RORA: variants seen among roughly 807,000 people sequenced by gnomAD.
RORA encodes the protein nuclear receptor ROR-alpha.
A neutral mutation model predicts 69.5 loss-of-function variants in RORA; 7 were observed. The ratio of observed to expected loss-of-function variants is 0.10; its 90% CI spans 0.06 to 0.19. The LOEUF (loss-of-function observed/expected upper bound fraction) is 0.19. Ranked by LOEUF, RORA falls within the 10% of genes least tolerant of loss-of-function variation. The probability of loss-of-function intolerance (pLI) is 1.00; values close to 1 mark genes in which losing one functional copy is unlikely to be tolerated. For synonymous variants in RORA, 261 were observed against 240.8 expected (o/e 1.08, Z -0.78); for missense variants, 457 against 663.0 (o/e 0.69, Z 3.41).
intron 1 of RORA, among the ~76,000 whole-genome samples, chr15:60,734,048 A>G (rs2071467141): frequency 6.6e-6 from 1 of 152,180 alleles, no homozygotes; most frequent in South Asian, 2.1e-4. Context: ...ACAGAGAGTG[A>G]GATGGAGATG....
intron 1 of RORA, among the ~76,000 whole-genome samples, chr15:60,807,017 A>C (rs1220582901): frequency 6.6e-6 from 1 of 152,180 alleles, no homozygotes; most frequent in Non-Finnish European, 1.5e-5. Context: ...AAGGATGCCC[A>C]CTTTTACCAC....
At chr15:61,038,783 C>T (rs1374144853) in intron 1 of RORA, 4 of 152,220 alleles carry the variant, frequency 2.6e-5, no homozygotes, top group Non-Finnish European at 5.9e-5. Context: ...ACCCAAAAGT[C>T]ATACAGTTTA....
At chr15:61,193,099 G>A (rs28716779) in intron 1 of RORA, among the ~76,000 whole-genome samples, 22,341 of 151,792 alleles carry the variant, frequency 0.15, 2,284 homozygotes, top group African/African-American at 0.27. Context: ...CTCCCAATAG[G>A]AACCATCTAT....
chr15:60,862,941 T>A (rs143554797), intron 1 of RORA, among the ~76,000 whole-genome samples: 4 of 152,336 alleles, frequency 2.6e-5, no homozygotes, highest in Non-Finnish European at 4.4e-5. Flanking sequence ...AGCTTTCATA[T>A]AGGGGCTTTT....
intron 1 of RORA, among the ~76,000 whole-genome samples, chr15:60,857,921 G>T (rs2073397623): frequency 6.6e-6 from 1 of 152,230 alleles, no homozygotes; most frequent in Admixed American, 6.5e-5. Flanking sequence ...GAACTGAAGG[G>T]CTGAGGATGA....
intron 1 of RORA, among the ~76,000 whole-genome samples, chr15:60,803,306 A>C (rs2072613254): frequency 6.6e-6 from 1 of 152,176 alleles, no homozygotes; most frequent in Non-Finnish European, 1.5e-5. Flanking sequence ...GGTCCAGGCA[A>C]GGAAGAACCT....
intron 1 of RORA, among the ~76,000 whole-genome samples, chr15:60,761,354 G>A (rs774049439): frequency 1.3e-5 from 2 of 151,952 alleles, no homozygotes; most frequent in Non-Finnish European, 2.9e-5. Flanking sequence ...CACCCAGAAC[G>A]CAATGAATCA....
intron 1 of RORA, among the ~76,000 whole-genome samples, chr15:61,121,015 T>C (rs1234610738): frequency 6.6e-6 from 1 of 151,654 alleles, no homozygotes; most frequent in East Asian, 2.0e-4. Flanking sequence ...ACCCGGCTAA[T>C]TTTTTTGTAT....
chr15:61,159,535 C>T (rs1013412952), intron 1 of RORA, among the ~76,000 whole-genome samples: 1 of 152,150 alleles, frequency 6.6e-6, no homozygotes, highest in African/African-American at 2.4e-5. Flanking sequence ...CTGTGAGATG[C>T]TGATCTTTTT....
chr15:60,842,668 G>A (rs1029163434), intron 1 of RORA, among the ~76,000 whole-genome samples: 1 of 152,090 alleles, frequency 6.6e-6, no homozygotes, highest in South Asian at 2.1e-4. Flanking sequence ...CTACCTGAAC[G>A]GATGCCCTGT....
At chr15:60,777,181 A>C (rs908594605) in intron 1 of RORA, among the ~76,000 whole-genome samples, 2 of 152,386 alleles carry the variant, frequency 1.3e-5, no homozygotes, top group Admixed American at 1.3e-4. Context: ...ACAAAGCATA[A>C]GAATGTTCAC....
At chr15:61,104,861 T>A (rs2078929744) in intron 1 of RORA, among the ~76,000 whole-genome samples, 1 of 152,150 alleles carries the variant, frequency 6.6e-6, no homozygotes, top group African/African-American at 2.4e-5. Context: ...GGTAATTGAA[T>A]CATGGAGGCA....
In RORA at chr15:60,612,432, A is replaced by ATG. The variant is rs1429679919; in HGVS notation, c.196+66223_196+66224dup. Among the ~76,000 whole-genome samples, 3 of 152,148 alleles carry ATG rather than the reference A, an allele frequency of 2.0e-5. No homozygotes were observed. The East Asian group carries it at 5.8e-4, about 29-fold the overall frequency. On this transcript the variant is annotated intron_variant, in intron 2 of 10. Transcript: ENST00000335670. ...ACTAACCCCGGGCAGAAACTAGTGG[A>ATG]TGTATGCCCAGTTGAAGCCTGAGGT...
At chr15:61,026,909 A>C (rs1267503653) in intron 1 of RORA, among the ~76,000 whole-genome samples, 2 of 152,082 alleles carry the variant, frequency 1.3e-5, no homozygotes, top group Non-Finnish European at 2.9e-5. Context: ...TTTCCCTTGA[A>C]ATTCCATTTC....
intron 1 of RORA, among the ~76,000 whole-genome samples, chr15:60,894,887 C>T (rs925905492): frequency 6.6e-6 from 1 of 152,092 alleles, no homozygotes; most frequent in African/African-American, 2.4e-5. Context: ...GCAGGCAAGG[C>T]GGGAAATGAA....
At chr15:61,073,333 T>C (rs1679569438) in intron 1 of RORA, among the ~76,000 whole-genome samples, 1 of 152,206 alleles carries the variant, frequency 6.6e-6, no homozygotes, top group Non-Finnish European at 1.5e-5. Flanking sequence ...CCGCTCCTGT[T>C]TTATTTAAAA....
At chr15:60,822,224 T>A (rs562922049) in intron 1 of RORA, among the ~76,000 whole-genome samples, 63 of 152,300 alleles carry the variant, frequency 4.1e-4, no homozygotes, top group African/African-American at 1.5e-3. Flanking sequence ...AGCATAGTTA[T>A]CTCCTAGTTC....
chr15:61,208,914 G>A (rs774426088), intron 1 of RORA, among the ~76,000 whole-genome samples: 23 of 152,030 alleles, frequency 1.5e-4, no homozygotes, highest in Non-Finnish European at 2.4e-4. Flanking sequence ...ATGTTTTTGT[G>A]GTATATATCA....
chr15:60,930,558 C>T (rs1053493254), intron 1 of RORA, among the ~76,000 whole-genome samples: 37 of 152,324 alleles, frequency 2.4e-4, no homozygotes, highest in African/African-American at 8.4e-4. Flanking sequence ...CCTCAGCCTC[C>T]CCTAGCAGAT....
Sources: allele counts gnomAD v4.1 joint callset (sites outside exome capture counted in the v4.1 genomes callset), GRCh38; gene constraint gnomAD v4.1.1; transcripts MANE v1.5; gene names NCBI Gene and HGNC (gene_info 2026-07-23, HGNC 2026-07-21).